The following SLC25A10 variants were observed in gnomAD, a reference collection of about 807,000 sequenced individuals.
SLC25A10 encodes mitochondrial dicarboxylate carrier.
Under a neutral mutation model 40.4 loss-of-function variants are expected in SLC25A10, and 32 were observed. That is an observed-to-expected ratio of 0.79 (90% CI 0.60 to 1.06). The LOEUF (loss-of-function observed/expected upper bound fraction) is 1.06, where lower values mean the gene tolerates loss of function less well. SLC25A10 is among the 50% of genes least tolerant of loss of function. SLC25A10 has a pLI of 0.00. For missense variants in SLC25A10, 394 were observed against 402.6 expected, an observed-to-expected ratio of 0.98 and a Z score of 0.18; for synonymous variants, 181 against 171.1, an observed-to-expected ratio of 1.06 and a Z score of -0.45.
Position 81,712,433 on chromosome 17 carries a change from G to A in SLC25A10, c.7G>A (p.Ala3Thr), listed in dbSNP as rs1383099237. The A allele has an allele frequency of 1.5e-6, 2 of 1,302,930 alleles. No individual in the cohort carries two copies. Among genetic ancestry groups the A allele is most frequent in the Non-Finnish European group, 1.9e-6 (2 of 1,028,018 alleles). The allele number at this position is 1,302,930 out of a possible 1,614,324, so 80.7% of individuals were successfully genotyped here. ...GATTGGGCTCTCCTGGGCCATGGCA[G>A]CCGAGGCGCGCGTGTCGCGCTGGTA... is the stretch of plus-strand genomic sequence containing the variant. The part of the protein sequence containing the change: MA[A>T]EARVSRWYFG... Residue 3 changes from alanine to threonine, a missense_variant, in exon 1 of 11, where the codon GCC becomes ACC. Physicochemically the swap from Ala to Thr is moderately conservative, Grantham distance 58 (BLOSUM62 0). Transcript: ENST00000350690.
chr17:81,714,659 A>G (rs2037445564), intron 1 of SLC25A10, among the ~76,000 whole-genome samples: 1 of 152,164 alleles, frequency 6.6e-6, no homozygotes, highest in Non-Finnish European at 1.5e-5. Flanking sequence ...TCCATGCCTC[A>G]GTTTCCTCAT....
At chr17:81,716,900 C>A (rs771318146) in intron 6 of SLC25A10, 45 bp downstream of exon 6, 2 of 1,604,080 alleles carry the variant, frequency 1.2e-6, no homozygotes, top group East Asian at 4.5e-5. Context: ...GGGGGGCAGG[C>A]AGGGTGGGCA....
intron 4 of SLC25A10, 39 bp from the exon 5 acceptor site, chr17:81,715,970 C>CGG: frequency 2.0e-6 from 3 of 1,529,774 alleles, no homozygotes; most frequent in Non-Finnish European, 2.7e-6. Context: ...CCATGCCCCT[C>CGG]GGCCCGCCCG....
At chr17:81,713,443 A>G in intron 1 of SLC25A10, 1 of 985,424 alleles carries the variant, frequency 1.0e-6, no homozygotes, top group Non-Finnish European at 1.2e-6. Flanking sequence ...CTTGTATTCC[A>G]GCAGCCTTTG....
intron 9 of SLC25A10, among the ~76,000 whole-genome samples, chr17:81,718,217 C>T (rs572123618): frequency 1.3e-5 from 2 of 152,232 alleles, no homozygotes; most frequent in South Asian, 4.1e-4. Context: ...GGTGCGGTGG[C>T]TCATGCCTAT....
At position 81,720,397 on chromosome 17, in the gene SLC25A10, G is replaced by A. The variant is rs1177305409; in HGVS notation, c.*320G>A. On this transcript the variant is annotated 3_prime_UTR_variant, in exon 11 of 11. Coordinates refer to ENST00000350690, the MANE Select transcript of SLC25A10 (RefSeq NM_012140.5). Reference sequence around the variant, plus strand: ...ATTTCTCCCCTCTCCTGGGCCAGGGGAGGGGTATTATCCCTGCCTCCTGCC... The same window carrying A: ...ATTTCTCCCCTCTCCTGGGCCAGGGAAGGGGTATTATCCCTGCCTCCTGCC... The A allele has an allele frequency of 4.3e-6, 6 of 1,402,898 alleles. No individual in the cohort carries two copies. The highest frequency in any genetic ancestry group is 5.5e-6 in the Non-Finnish European group (6 of 1,084,978). 86.9% of individuals were successfully genotyped at this position (1,402,898 alleles called of 1,614,324 possible).
chr17:81,717,963 C>T (rs1405385444), intron 9 of SLC25A10, 102 bp downstream of exon 9: 5 of 840,946 alleles, frequency 5.9e-6, no homozygotes, highest in Non-Finnish European at 7.8e-6. Flanking sequence ...GGAAGGGTGT[C>T]CCTCCCTTCT....
At chr17:81,712,635 T>C (rs763854564) in intron 1 of SLC25A10, 116 bp downstream of exon 1, 167 of 754,770 alleles carry the variant, frequency 2.2e-4, no homozygotes, top group Non-Finnish European at 2.8e-4. Flanking sequence ...GGCTCCCTCC[T>C]GGAGAGCGCG....
At chr17:81,718,449 C>T (rs2037528519) in intron 9 of SLC25A10, among the ~76,000 whole-genome samples, 1 of 151,778 alleles carries the variant, frequency 6.6e-6, no homozygotes, top group Non-Finnish European at 1.5e-5. Context: ...CACACCATTG[C>T]ACCCCAGCCT....
rs1598216522 is a variant in SLC25A10, at chr17:81,720,821, G to A, written c.*744G>A. ...TGTGCCTGCGTCCCTCGGGCACCTG[G>A]GCCCCCCCGCTTGGCTCCCTGGGGG... On this transcript the variant is annotated 3_prime_UTR_variant, in exon 11 of 11. Transcript: ENST00000350690. 1.4e-5 allele frequency: 3 copies of A among 219,250 alleles called. No homozygotes were observed. Among genetic ancestry groups the A allele is most frequent in the Non-Finnish European group, 2.6e-5 (3 of 115,192 alleles). 13.6% of individuals were successfully genotyped at this position (219,250 alleles called of 1,614,324 possible).
intron 9 of SLC25A10, among the ~76,000 whole-genome samples, chr17:81,719,116 A>G (rs555403958): frequency 6.6e-5 from 10 of 151,336 alleles, no homozygotes; most frequent in Admixed American, 1.3e-4. Flanking sequence ...TATTTTTAGT[A>G]GAGACAGGGT....
At chr17:81,717,570 TG>T in intron 8 of SLC25A10, 79 bp downstream of exon 8, 1 of 1,526,146 alleles carries the variant, frequency 6.6e-7, no homozygotes, top group Non-Finnish European at 9.1e-7. Context: ...GGGCGAGGGC[TG>T]GGGGAGGCGG....
In SLC25A10 at chr17:81,720,079, C is replaced by T. The variant is rs1347149757; in HGVS notation, c.*2C>T. 6 of 1,612,816 alleles carry T rather than the reference C, an allele frequency of 3.7e-6. No homozygotes were observed. Among genetic ancestry groups the T allele is most frequent in the Non-Finnish European group, 5.1e-6 (6 of 1,180,012 alleles). Reference sequence around the variant, plus strand: ...TTTGGCATCAAAGTGCCATCCTGACCAGCCGTGGGAATGGCTGGGCTGCCA... The same window carrying T: ...TTTGGCATCAAAGTGCCATCCTGACTAGCCGTGGGAATGGCTGGGCTGCCA... On this transcript the variant is annotated 3_prime_UTR_variant, in exon 11 of 11. Transcript: ENST00000350690.
intron 1 of SLC25A10, among the ~76,000 whole-genome samples, chr17:81,714,528 C>T (rs528912771): frequency 3.3e-4 from 51 of 152,304 alleles, no homozygotes; most frequent in African/African-American, 1.2e-3. Flanking sequence ...GCTCCCTCGC[C>T]GTTTCTGAGC....
Position 81,720,165 on chromosome 17 carries a change from G to A in SLC25A10, c.*88G>A, listed in dbSNP as rs1022011977. ...GCCCAGCACCTGCTCCTGGGGCCACGACCTCCCTGGCCGTGGCCACCCGTC... is the reference window on the plus strand; with the variant it reads ...GCCCAGCACCTGCTCCTGGGGCCACAACCTCCCTGGCCGTGGCCACCCGTC... On this transcript the variant is annotated 3_prime_UTR_variant, in exon 11 of 11. Transcript: ENST00000350690. 8.3e-6 allele frequency: 13 copies of A among 1,564,312 alleles called. No homozygotes were observed. The African/African-American group carries it at 9.5e-5, about 11-fold the overall frequency.
At chr17:81,717,357 G>A (rs1598213616) in intron 7 of SLC25A10, 42 bp from the exon 8 acceptor site, 1 of 1,593,900 alleles carries the variant, frequency 6.3e-7, no homozygotes, top group Non-Finnish European at 8.6e-7. Flanking sequence ...TCCCCAAGCT[G>A]GGGTCCCCCC....
chr17:81,720,304 G>A lies in SLC25A10; in HGVS notation c.*227G>A. ...CTCTGGCTACCAGGCTCTCCCGGCTGGGCACTGCGTGGCCTTGCCCCTCTC... is the reference window on the plus strand; with the variant it reads ...CTCTGGCTACCAGGCTCTCCCGGCTAGGCACTGCGTGGCCTTGCCCCTCTC... On this transcript the variant is annotated 3_prime_UTR_variant, in exon 11 of 11. Coordinates refer to ENST00000350690, the MANE Select transcript of SLC25A10 (RefSeq NM_012140.5). The A allele has an allele frequency of 7.0e-7, 1 of 1,435,202 alleles. No individual in the cohort carries two copies. The highest frequency in any genetic ancestry group is 9.1e-7 in the Non-Finnish European group (1 of 1,099,984). The allele number at this position is 1,435,202 out of a possible 1,614,324, so 88.9% of individuals were successfully genotyped here. A position where few individuals can be genotyped will look rare whatever the true frequency, so the allele number is the denominator to read the frequency against.
intron 1 of SLC25A10, 32 bp from the exon 2 acceptor site, chr17:81,714,921 G>A (rs1265914833): frequency 3.2e-5 from 52 of 1,601,764 alleles, no homozygotes; most frequent in Non-Finnish European, 4.3e-5. Context: ...CCTCGGGGTC[G>A]CTGTGGGGTC....
chr17:81,716,876 A>G (rs1197863662), intron 6 of SLC25A10, 21 bp downstream of exon 6: 1 of 1,610,498 alleles, frequency 6.2e-7, no homozygotes, highest in Non-Finnish European at 8.5e-7. Context: ...GGTGCTGTGC[A>G]CAGGCAGGGT....
Sources: allele counts gnomAD v4.1 joint callset (sites outside exome capture counted in the v4.1 genomes callset), GRCh38; gene constraint gnomAD v4.1.1; transcripts MANE v1.5; gene names NCBI Gene and HGNC (gene_info 2026-07-23, HGNC 2026-07-21).